Variants in DOK6 observed in about 807,000 individuals in gnomAD.
The protein encoded by DOK6 is downstream of tyrosine kinase 6.
Under a neutral mutation model 44.0 loss-of-function variants are expected in DOK6, and 22 were observed. The observed-to-expected ratio is 0.50, with a 90% CI of 0.36 to 0.71. The LOEUF (loss-of-function observed/expected upper bound fraction) is 0.71, where lower values mean the gene tolerates loss of function less well. Ranked by LOEUF, DOK6 falls within the 30% of genes least tolerant of loss-of-function variation. The probability of loss-of-function intolerance (pLI) is 0.00; values close to 1 mark genes in which losing one functional copy is unlikely to be tolerated. For synonymous variants in DOK6, 166 were observed against 145.5 expected, an observed-to-expected ratio of 1.14 and a Z score of -1.01; for missense variants, 340 against 416.4, an observed-to-expected ratio of 0.82 and a Z score of 1.60.
chr18:69,774,070 T>A lies in DOK6; in HGVS notation c.856+16197T>A, dbSNP rs1411154050. ...TGTGAGATATATATATATAGATATA[T>A]ATATATGAGATAGATTTATATAGAT... is the stretch of plus-strand genomic sequence containing the variant. On this transcript the variant is annotated intron_variant, in intron 7 of 7. Coordinates refer to ENST00000382713, the MANE Select transcript of DOK6 (RefSeq NM_152721.6). 4.1e-5 allele frequency among the ~76,000 whole-genome samples: 6 copies of A among 145,494 alleles called. No homozygotes were observed. The South Asian group carries it at 6.4e-4, about 16-fold the overall frequency.
At chr18:69,823,133 T>A (rs750191984) in intron 7 of DOK6, among the ~76,000 whole-genome samples, 1 of 152,228 alleles carries the variant, frequency 6.6e-6, no homozygotes, top group African/African-American at 2.4e-5. Context: ...CCATTTTTCA[T>A]AATTTTACTC....
At chr18:69,714,967 A>C (rs1406658000) in intron 5 of DOK6, among the ~76,000 whole-genome samples, 1 of 152,176 alleles carries the variant, frequency 6.6e-6, no homozygotes, top group East Asian at 1.9e-4. Context: ...TATTTATTTA[A>C]TGTGTTTTTT....
intron 3 of DOK6, chr18:69,661,079 G>T (rs958323176): frequency 6.6e-6 from 1 of 152,112 alleles, no homozygotes; most frequent in Admixed American, 6.6e-5. Flanking sequence ...ATTATATCCT[G>T]TTTTTGTTCA....
chr18:69,828,799 T>C (rs1981813979), intron 7 of DOK6, among the ~76,000 whole-genome samples: 1 of 143,798 alleles, frequency 7.0e-6, no homozygotes, highest in South Asian at 2.2e-4. Flanking sequence ...AAGTAAAGAA[T>C]AGTTGCATAT....
intron 1 of DOK6, among the ~76,000 whole-genome samples, chr18:69,496,332 G>A (rs914754560): frequency 3.9e-5 from 6 of 152,202 alleles, no homozygotes; most frequent in Admixed American, 1.3e-4. Context: ...GCTGCATACC[G>A]GGAGTTCCCA....
At chr18:69,837,076 G>A (rs770336833) in intron 7 of DOK6, among the ~76,000 whole-genome samples, 1 of 152,180 alleles carries the variant, frequency 6.6e-6, no homozygotes, top group Non-Finnish European at 1.5e-5. Context: ...CACAGAGGAG[G>A]TGAAGAAAGC....
rs936755130 is a variant in DOK6 at position 69,536,965 on chromosome 18, G to A, written c.67-27522G>A. Among the ~76,000 whole-genome samples the A allele has an allele frequency of 5.5e-5, 7 of 128,326 alleles. No homozygotes were observed. In the East Asian group the frequency reaches 6.6e-4, roughly 12 times the overall value. 84.2% of individuals were successfully genotyped at this position (128,326 alleles called of 152,430 possible). A position where few individuals can be genotyped will look rare whatever the true frequency, so the allele number is the denominator to read the frequency against. ...CAAGAATGTTCACATTAACATACAC[G>A]ACAGAAGATTTATCATTATTATTAT... On this transcript the variant is annotated intron_variant, in intron 1 of 7. Coordinates refer to ENST00000382713, the MANE Select transcript of DOK6 (RefSeq NM_152721.6).
Position 69,841,423 on chromosome 18 carries a change from C to G in DOK6, c.*40C>G. 2 of 1,611,630 alleles carry G rather than the reference C, an allele frequency of 1.2e-6. No individual in the cohort carries two copies. Among genetic ancestry groups the G allele is most frequent in the Non-Finnish European group, 1.7e-6 (2 of 1,178,334 alleles). On this transcript the variant is annotated 3_prime_UTR_variant, in exon 8 of 8. Transcript: ENST00000382713. Reference sequence around the variant, plus strand: ...CTGTTGACTAGAGAGACAGTCTGTCCTGGACCCGTCTGTGGGGTCATTACC... The same window carrying G: ...CTGTTGACTAGAGAGACAGTCTGTCGTGGACCCGTCTGTGGGGTCATTACC...
chr18:69,680,249 C>G (rs368716362), intron 4 of DOK6, among the ~76,000 whole-genome samples: 1 of 152,146 alleles, frequency 6.6e-6, no homozygotes, highest in Non-Finnish European at 1.5e-5. Flanking sequence ...GAGACAGACA[C>G]GTACTCACTA....
chr18:69,525,901 C>G (rs1293816431), intron 1 of DOK6, among the ~76,000 whole-genome samples: 1 of 151,968 alleles, frequency 6.6e-6, no homozygotes, highest in African/African-American at 2.4e-5. Context: ...GTAAATCTGG[C>G]CTGTGACCTG....
intron 5 of DOK6, among the ~76,000 whole-genome samples, chr18:69,734,287 T>A (rs930559479): frequency 1.3e-5 from 2 of 150,906 alleles, no homozygotes; most frequent in African/African-American, 4.8e-5. Context: ...GTACTGTTGC[T>A]TTACTGACTT....
intron 7 of DOK6, among the ~76,000 whole-genome samples, chr18:69,767,381 A>T (rs1372358399): frequency 6.6e-6 from 1 of 152,192 alleles, no homozygotes; most frequent in Non-Finnish European, 1.5e-5. Context: ...TTTTCTTCTC[A>T]TCAGTGAGTA....
At chr18:69,810,689 A>G (rs1407576923) in intron 7 of DOK6, among the ~76,000 whole-genome samples, 1 of 151,906 alleles carries the variant, frequency 6.6e-6, no homozygotes, top group Non-Finnish European at 1.5e-5. Flanking sequence ...CAAAAGAAGA[A>G]TGGCCAACAG....
intron 3 of DOK6, among the ~76,000 whole-genome samples, chr18:69,628,380 C>T (rs748165401): frequency 5.9e-5 from 9 of 152,214 alleles, no homozygotes; most frequent in Admixed American, 2.0e-4. Flanking sequence ...ATCCCAGCTA[C>T]TTGGGGGGCT....
intron 1 of DOK6, among the ~76,000 whole-genome samples, chr18:69,455,408 G>C (rs2122466386): frequency 6.6e-6 from 1 of 152,266 alleles, no homozygotes; most frequent in East Asian, 1.9e-4. Flanking sequence ...TACACGGAGA[G>C]TCTGTAAGTT....
intron 7 of DOK6, among the ~76,000 whole-genome samples, chr18:69,793,764 C>G (rs1980665053): frequency 6.6e-6 from 1 of 151,974 alleles, no homozygotes; most frequent in Admixed American, 6.6e-5. Context: ...ATAGCACTTT[C>G]CCAACATCTT....
In DOK6 at chr18:69,849,056, T is replaced by C. The variant is rs536559566; in HGVS notation, c.*7673T>C. 2 of 152,320 alleles carry C rather than the reference T, an allele frequency of 1.3e-5. No individual in the cohort carries two copies. The highest frequency in any genetic ancestry group is 4.1e-4 in the South Asian group (2 of 4,822). The allele number at this position is 152,320 out of a possible 1,614,324, so 9.4% of individuals were successfully genotyped here. A position where few individuals can be genotyped will look rare whatever the true frequency, so the allele number is the denominator to read the frequency against. ...ACTTATTAGCTTGCTATTTTGAAAA[T>C]AAAGTGAAAGAAGGCCCTTTATTAA... On this transcript the variant is annotated 3_prime_UTR_variant, in exon 8 of 8. Coordinates refer to ENST00000382713, the MANE Select transcript of DOK6 (RefSeq NM_152721.6).
chr18:69,795,957 C>T (rs8084687), intron 7 of DOK6, among the ~76,000 whole-genome samples: 464 of 151,774 alleles, frequency 3.1e-3, no homozygotes, highest in Non-Finnish European at 4.4e-3. Context: ...GATCCGAGCT[C>T]ATCCTGTAAC....
intron 2 of DOK6, among the ~76,000 whole-genome samples, chr18:69,590,283 G>C (rs1983594186): frequency 6.6e-6 from 1 of 152,128 alleles, no homozygotes; most frequent in Non-Finnish European, 1.5e-5. Flanking sequence ...TAATGAGCCA[G>C]AAGCATCTGA....
Sources: gnomAD v4.1 joint callset for allele counts (sites outside exome capture counted in the v4.1 genomes callset) on GRCh38, gnomAD v4.1.1 for gene constraint, MANE v1.5 for transcripts, NCBI Gene and HGNC (gene_info 2026-07-23, HGNC 2026-07-21) for gene names.